Variants in BBX observed in about 807,000 individuals in gnomAD.
BBX encodes the protein HMG box transcription factor BBX.
BBX carries 30 observed loss-of-function variants against 100.2 expected under a neutral mutation model. The observed-to-expected ratio is 0.30, with a 90% CI of 0.22 to 0.41. The LOEUF (loss-of-function observed/expected upper bound fraction) is 0.41, where lower values mean the gene tolerates loss of function less well. Among genes scored for constraint, BBX ranks in the 10% least tolerant of loss-of-function variants. BBX has a pLI of 1.00. For synonymous variants in BBX, 376 were observed against 388.1 expected, an observed-to-expected ratio of 0.97 and a Z score of 0.37; for missense variants, 1,023 against 1,129.8, an observed-to-expected ratio of 0.91 and a Z score of 1.35.
chr3:107,631,294 G>A (rs1017780204), intron 2 of BBX, among the ~76,000 whole-genome samples: 1 of 152,176 alleles, frequency 6.6e-6, no homozygotes, highest in Admixed American at 6.5e-5. Flanking sequence ...CTCATAAAGT[G>A]CCCGGGCAGG....
chr3:107,565,990 A>G (rs1208839009), intron 2 of BBX, among the ~76,000 whole-genome samples: 1 of 151,500 alleles, frequency 6.6e-6, no homozygotes, highest in African/African-American at 2.4e-5. Context: ...CCTGGCCAAC[A>G]TGGTGAAACC....
intron 5 of BBX, among the ~76,000 whole-genome samples, chr3:107,720,269 C>A (rs2062434509): frequency 6.6e-6 from 1 of 151,902 alleles, no homozygotes; most frequent in South Asian, 2.1e-4. Context: ...AACCTACCCA[C>A]TTTAGATGCC....
intron 2 of BBX, among the ~76,000 whole-genome samples, chr3:107,597,701 A>G (rs527545030): frequency 1.5e-4 from 23 of 152,336 alleles, no homozygotes; most frequent in East Asian, 9.6e-4. Flanking sequence ...TGACAACTCA[A>G]TTAGGTCCTT....
intron 8 of BBX, among the ~76,000 whole-genome samples, chr3:107,746,554 A>G (rs1343106457): frequency 6.6e-6 from 1 of 152,204 alleles, no homozygotes; most frequent in African/African-American, 2.4e-5. Context: ...AAAGCACAGT[A>G]GAATGAAATT....
intron 2 of BBX, among the ~76,000 whole-genome samples, chr3:107,584,516 C>G (rs1287626494): frequency 6.7e-6 from 1 of 150,128 alleles, no homozygotes; most frequent in African/African-American, 2.4e-5. Flanking sequence ...TAATTATTAC[C>G]AAATAATTAA....
chr3:107,575,139 A>G (rs2051675202), intron 2 of BBX, among the ~76,000 whole-genome samples: 1 of 152,186 alleles, frequency 6.6e-6, no homozygotes, highest in Non-Finnish European at 1.5e-5. Context: ...AGTGAACTTT[A>G]TGATAAAGTT....
intron 4 of BBX, among the ~76,000 whole-genome samples, chr3:107,715,782 G>C (rs568630896): frequency 1.3e-5 from 2 of 152,358 alleles, no homozygotes; most frequent in South Asian, 4.1e-4. Context: ...CACCCAGATG[G>C]AATGGACAGA....
chr3:107,747,224 TGTGA>T (rs2064692003), intron 8 of BBX, among the ~76,000 whole-genome samples: 1 of 150,850 alleles, frequency 6.6e-6, no homozygotes, highest in East Asian at 1.9e-4. Flanking sequence ...CACACTAACG[TGTGA>T]GTGTGTGTGT....
intron 2 of BBX, among the ~76,000 whole-genome samples, chr3:107,597,438 T>C (rs1482785335): frequency 6.6e-6 from 1 of 152,166 alleles, no homozygotes; most frequent in Non-Finnish European, 1.5e-5. Flanking sequence ...ATATTAGAGA[T>C]AAAAATACAG....
At chr3:107,700,368 CCTT>C (rs1275721604) in intron 3 of BBX, among the ~76,000 whole-genome samples, 2 of 150,588 alleles carry the variant, frequency 1.3e-5, no homozygotes, top group Non-Finnish European at 1.5e-5. Flanking sequence ...AAAATTAACA[CCTT>C]CTTGCTAGTT....
rs2107504763 is a variant in BBX at position 107,728,968 on chromosome 3, G to C, written c.601+8G>C. ...TTAACTTTGGAATGGCTGGTGAGTT[G>C]AGACACTATTTCCACCTATTCTTTA... On this transcript the variant is annotated splice_region_variant and intron_variant, in intron 6 of 17. Transcript: ENST00000325805. The C allele has an allele frequency of 6.2e-7, 1 of 1,611,772 alleles. No homozygotes were observed. Among genetic ancestry groups the C allele is most frequent in the Non-Finnish European group, 8.5e-7 (1 of 1,178,742 alleles).
chr3:107,649,231 G>A (rs1047905343), intron 3 of BBX, among the ~76,000 whole-genome samples: 1 of 152,198 alleles, frequency 6.6e-6, no homozygotes, highest in Non-Finnish European at 1.5e-5. Context: ...CTCATGACAT[G>A]GGGATTAGTA....
intron 2 of BBX, among the ~76,000 whole-genome samples, chr3:107,531,273 G>C (rs773370918): frequency 8.5e-5 from 13 of 152,156 alleles, no homozygotes; most frequent in South Asian, 2.1e-4. Context: ...TGTAGTAGAA[G>C]GTGTAGTACA....
Position 107,773,385 on chromosome 3 carries a change from T to C in BBX, c.1664T>C (p.Phe555Ser). The C allele has an allele frequency of 6.2e-7, 1 of 1,614,090 alleles. No individual in the cohort carries two copies. Among genetic ancestry groups the C allele is most frequent in the African/African-American group, 1.3e-5 (1 of 75,042 alleles). The change falls in exon 11 of 18, where the codon TTC becomes TCC. Residue 555 changes from phenylalanine (F) to serine (S), a missense_variant. Coordinates refer to ENST00000325805, the MANE Select transcript of BBX (RefSeq NM_001142568.3). This position sits in a 1 kb window ranked among gnomAD's most constrained non-coding sequence, Gnocchi z 4.1. The stretch of plus-strand genomic sequence containing the variant: ...ACCAAAGAGTCAAGACCTCCAGATT[T>C]CATTAGTATTTCTGCTAGCAAGAAC... ...DTTKESRPPD[F>S]ISISASKNIS...
At chr3:107,769,650 T>C (rs1296340751) in intron 10 of BBX, among the ~76,000 whole-genome samples, 1 of 144,028 alleles carries the variant, frequency 6.9e-6, no homozygotes, top group Non-Finnish European at 1.5e-5. Flanking sequence ...GTATCGTATC[T>C]GTCGTATGAG....
intron 13 of BBX, among the ~76,000 whole-genome samples, chr3:107,783,015 A>G (rs2068058913): frequency 1.3e-5 from 2 of 152,110 alleles, no homozygotes; most frequent in African/African-American, 4.8e-5. Flanking sequence ...TTCCTCCTCC[A>G]TGGATACTTC....
chr3:107,686,336 A>G (rs1210255617), intron 3 of BBX, among the ~76,000 whole-genome samples: 27 of 152,138 alleles, frequency 1.8e-4, no homozygotes, highest in African/African-American at 4.8e-5. Context: ...AGAAATAACC[A>G]TAAGAGAAAC....
At chr3:107,769,406 C>CT (rs907431321) in intron 10 of BBX, among the ~76,000 whole-genome samples, 11 of 152,152 alleles carry the variant, frequency 7.2e-5, no homozygotes, top group African/African-American at 2.7e-4. Flanking sequence ...TTCTTAGCCT[C>CT]TGTTTCCTCA....
At chr3:107,616,274 A>G (rs981998695) in intron 2 of BBX, among the ~76,000 whole-genome samples, 2 of 151,810 alleles carry the variant, frequency 1.3e-5, no homozygotes, top group Non-Finnish European at 2.9e-5. Flanking sequence ...CTCAAATGGT[A>G]TAATGCAAAT....
Sources: gnomAD v4.1 joint callset for allele counts (sites outside exome capture counted in the v4.1 genomes callset) on GRCh38, gnomAD v4.1.1 for gene constraint, Gnocchi (gnomAD v3.1) non-coding constraint, MANE v1.5 for transcripts, NCBI Gene and HGNC (gene_info 2026-07-23, HGNC 2026-07-21) for gene names.